SYNJ2BP: variants seen among roughly 807,000 people sequenced by gnomAD.
SYNJ2BP encodes the protein synaptojanin-2-binding protein.
A neutral mutation model predicts 16.9 loss-of-function variants in SYNJ2BP; 10 were observed. That is an observed-to-expected ratio of 0.59 (90% CI 0.36 to 1.00). The LOEUF is 1.00. Ranked by LOEUF, SYNJ2BP falls within the 50% of genes least tolerant of loss-of-function variation. SYNJ2BP has a pLI of 0.01. For synonymous variants in SYNJ2BP, 54 were observed against 68.4 expected (o/e 0.79, Z 1.04); for missense variants, 162 against 186.7 (o/e 0.87, Z 0.77).
chr14:70,392,720 T>C (rs936462121), intron 1 of SYNJ2BP, among the ~76,000 whole-genome samples: 12 of 152,230 alleles, frequency 7.9e-5, no homozygotes, highest in African/African-American at 1.2e-4. Context: ...AGTACGTCTA[T>C]GGCATGTGAC....
At chr14:70,385,412 G>A (rs979594304) in intron 2 of SYNJ2BP, among the ~76,000 whole-genome samples, 1 of 151,914 alleles carries the variant, frequency 6.6e-6, no homozygotes, top group African/African-American at 2.4e-5. Flanking sequence ...GCTGGAGTGC[G>A]CTGGCATGAT....
chr14:70,373,966 C>T (rs1052618441), intron 3 of SYNJ2BP, among the ~76,000 whole-genome samples: 1 of 152,190 alleles, frequency 6.6e-6, no homozygotes, highest in African/African-American at 2.4e-5. Context: ...GGCAAGACTG[C>T]ATGAAATACC....
At position 70,367,575 on chromosome 14, in the gene SYNJ2BP, A is replaced by AG. The variant is rs1171376846; in HGVS notation, c.*5415_*5416insC. 1 of 151,274 alleles carries AG rather than the reference A, an allele frequency of 6.6e-6. No homozygotes were observed. Among genetic ancestry groups the AG allele is most frequent in the African/African-American group, 2.4e-5 (1 of 41,170 alleles). 9.4% of individuals were successfully genotyped at this position (151,274 alleles called of 1,614,324 possible). ...AGACTCCGTCTCAAAAAAAAAAAAA[A>AG]AAAAAAAAAAAAGAAAAGAAAAGAA... On this transcript the variant is annotated 3_prime_UTR_variant, in exon 4 of 4. Coordinates refer to ENST00000256366, the MANE Select transcript of SYNJ2BP (RefSeq NM_018373.3).
intron 2 of SYNJ2BP, among the ~76,000 whole-genome samples, chr14:70,380,400 A>T (rs1390474508): frequency 6.6e-6 from 1 of 152,190 alleles, no homozygotes; most frequent in Non-Finnish European, 1.5e-5. Context: ...ATGGTGGCTC[A>T]CACCTGCAAT....
intron 1 of SYNJ2BP, among the ~76,000 whole-genome samples, chr14:70,412,473 T>C (rs1250858067): frequency 6.0e-5 from 9 of 149,248 alleles, no homozygotes; most frequent in Admixed American, 4.7e-4. Flanking sequence ...ATGTATAGTA[T>C]ATATACAGTA....
At chr14:70,396,636 A>ATG (rs1888105875) in intron 1 of SYNJ2BP, among the ~76,000 whole-genome samples, 1 of 151,196 alleles carries the variant, frequency 6.6e-6, no homozygotes, top group Admixed American at 6.6e-5. Flanking sequence ...ATATATATGT[A>ATG]TGTGTATATA....
At chr14:70,400,398 T>C (rs1266805402) in intron 1 of SYNJ2BP, among the ~76,000 whole-genome samples, 1 of 152,222 alleles carries the variant, frequency 6.6e-6, no homozygotes, top group Non-Finnish European at 1.5e-5. Flanking sequence ...CACCAAAATA[T>C]AACCTGAAGA....
At position 70,371,888 on chromosome 14, in the gene SYNJ2BP, G is replaced by C. The variant is rs932791053; in HGVS notation, c.*1103C>G. 4 of 152,174 alleles carry C rather than the reference G, an allele frequency of 2.6e-5. No homozygotes were observed. Among genetic ancestry groups the C allele is most frequent in the African/African-American group, 9.7e-5 (4 of 41,430 alleles). The allele number at this position is 152,174 out of a possible 1,614,324, so 9.4% of individuals were successfully genotyped here. On this transcript the variant is annotated 3_prime_UTR_variant, in exon 4 of 4. Coordinates refer to ENST00000256366, the MANE Select transcript of SYNJ2BP (RefSeq NM_018373.3). ...CCTTTTAGAGTTTTCTTGCTGGGGTGTTTGGCTCCAGCACTATAGCCCTTA... is the reference window on the plus strand; with the variant it reads ...CCTTTTAGAGTTTTCTTGCTGGGGTCTTTGGCTCCAGCACTATAGCCCTTA...
chr14:70,389,707 A>T (rs1319225688), intron 1 of SYNJ2BP, among the ~76,000 whole-genome samples: 1 of 152,168 alleles, frequency 6.6e-6, no homozygotes. Context: ...CCCTTAAAAA[A>T]TTTTGGAGTT....
chr14:70,372,202 A>C lies in SYNJ2BP; in HGVS notation c.*789T>G, dbSNP rs1218011556. 6.6e-6 allele frequency: 1 copy of C among 151,754 alleles called. No individual in the cohort carries two copies. The highest frequency in any genetic ancestry group is 6.6e-5 in the Admixed American group (1 of 15,246). 9.4% of individuals were successfully genotyped at this position (151,754 alleles called of 1,614,324 possible). A position where few individuals can be genotyped will look rare whatever the true frequency, so the allele number is the denominator to read the frequency against. On this transcript the variant is annotated 3_prime_UTR_variant, in exon 4 of 4. Transcript: ENST00000256366. ...TATGTTGCCCAGGCTGGTCTCCTGG[A>C]CTCAAGCAATCTCCCACTTCAGGCT...
At chr14:70,404,454 T>C (rs1888305446) in intron 1 of SYNJ2BP, among the ~76,000 whole-genome samples, 1 of 152,230 alleles carries the variant, frequency 6.6e-6, no homozygotes, top group African/African-American at 2.4e-5. Context: ...AAAATCATGT[T>C]ATGCTAAATT....
Position 70,372,786 on chromosome 14 carries a change from C to G in SYNJ2BP, c.*205G>C. On this transcript the variant is annotated 3_prime_UTR_variant, in exon 4 of 4. Transcript: ENST00000256366. Reference sequence around the variant, plus strand: ...ACTCCTCATTTGTTCTAAGCCAAGTCTTTTCTTCAGTTTTCCTTCAAACAA... The same window carrying G: ...ACTCCTCATTTGTTCTAAGCCAAGTGTTTTCTTCAGTTTTCCTTCAAACAA... 1.4e-6 allele frequency: 1 copy of G among 702,582 alleles called. No homozygotes were observed. The highest frequency in any genetic ancestry group is 2.2e-6 in the Non-Finnish European group (1 of 448,822). 43.5% of individuals were successfully genotyped at this position (702,582 alleles called of 1,614,324 possible). A position where few individuals can be genotyped will look rare whatever the true frequency, so the allele number is the denominator to read the frequency against.
intron 3 of SYNJ2BP, among the ~76,000 whole-genome samples, chr14:70,374,303 C>A (rs1423498497): frequency 6.6e-6 from 1 of 152,180 alleles, no homozygotes. Context: ...CTCTTATTAA[C>A]CTGTTTTCTA....
intron 2 of SYNJ2BP, among the ~76,000 whole-genome samples, chr14:70,379,160 T>A (rs1010097090): frequency 3.9e-5 from 6 of 152,232 alleles, no homozygotes; most frequent in African/African-American, 1.4e-4. Flanking sequence ...TGAACTACTG[T>A]GATCACTTCT....
chr14:70,396,304 A>G (rs1486567426), intron 1 of SYNJ2BP, among the ~76,000 whole-genome samples: 1 of 152,070 alleles, frequency 6.6e-6, no homozygotes, highest in East Asian at 1.9e-4. Flanking sequence ...TTTTTAGTAG[A>G]GACAGGGTTT....
In SYNJ2BP at chr14:70,388,456, A is replaced by C; in HGVS notation, c.201+14T>G. The C allele has an allele frequency of 6.5e-7, 1 of 1,540,282 alleles. No homozygotes were observed. Among genetic ancestry groups the C allele is most frequent in the Non-Finnish European group, 8.7e-7 (1 of 1,145,206 alleles). ...GAGCAAAGGACAGTGAAGGAGGCCG[A>C]AGCCCATTCTCACCGAAAGGATCTT... On this transcript the variant is annotated intron_variant, in intron 2 of 3. Coordinates refer to ENST00000256366, the MANE Select transcript of SYNJ2BP (RefSeq NM_018373.3).
chr14:70,387,294 C>T (rs1887879993), intron 2 of SYNJ2BP, among the ~76,000 whole-genome samples: 1 of 152,114 alleles, frequency 6.6e-6, no homozygotes, highest in South Asian at 2.1e-4. Flanking sequence ...CTCCCTTATC[C>T]CCCAGCAAAC....
intron 1 of SYNJ2BP, among the ~76,000 whole-genome samples, chr14:70,411,027 A>G (rs573960487): frequency 1.3e-5 from 2 of 152,306 alleles, no homozygotes; most frequent in East Asian, 3.9e-4. Flanking sequence ...GAAAGAAAAT[A>G]AGAAATAAAA....
chr14:70,388,542 G>A lies in SYNJ2BP; in HGVS notation c.129C>T (p.Tyr43=), dbSNP rs747703369. The A allele has an allele frequency of 1.1e-5, 17 of 1,600,826 alleles. No individual in the cohort carries two copies. The highest frequency in any genetic ancestry group is 6.8e-5 in the South Asian group (6 of 88,528). ...QQYVSNDSGI[Y]VSRIKENGAA... ...CCCCATTTTCTTTGATGCGGCTGAC[G>A]TAGATGCCACTGTCGTTGGAGACAT... The change falls in exon 2 of 4, where the codon TAC becomes TAT. Residue 43 remains tyrosine, a synonymous_variant. Coordinates refer to ENST00000256366, the MANE Select transcript of SYNJ2BP (RefSeq NM_018373.3).
Sources: allele counts gnomAD v4.1 joint callset (sites outside exome capture counted in the v4.1 genomes callset), GRCh38; gene constraint gnomAD v4.1.1; transcripts MANE v1.5; gene names NCBI Gene and HGNC (gene_info 2026-07-23, HGNC 2026-07-21).